The following PLEKHH2 variants were observed in gnomAD, a reference collection of about 807,000 sequenced individuals.
The protein encoded by PLEKHH2 is pleckstrin homology, MyTH4 and FERM domain containing H2.
In PLEKHH2, 129 loss-of-function variants were observed where a neutral mutation model predicts 187.9. The ratio of observed to expected loss-of-function variants is 0.69; its 90% CI spans 0.59 to 0.79. The LOEUF (loss-of-function observed/expected upper bound fraction) is 0.79, where lower values mean the gene tolerates loss of function less well. PLEKHH2 is among the 30% of genes least tolerant of loss of function. The pLI is 0.00. For synonymous variants in PLEKHH2, 686 were observed against 605.6 expected, an observed-to-expected ratio of 1.13 and a Z score of -1.95; for missense variants, 2,076 against 1,751.2, an observed-to-expected ratio of 1.19 and a Z score of -3.31.
intron 3 of PLEKHH2, chr2:43,681,097 C>G: frequency 9.4e-7 from 1 of 1,059,130 alleles, no homozygotes; most frequent in Non-Finnish European, 1.4e-6. Context: ...TGCCAACCAA[C>G]TCCAGAATTA....
intron 17 of PLEKHH2, 120 bp downstream of exon 17, chr2:43,726,571 C>T (rs375934308): frequency 3.5e-6 from 3 of 864,728 alleles, no homozygotes; most frequent in African/African-American, 1.7e-5. Context: ...TAGACTTTCA[C>T]CTCTGTTTTC....
At chr2:43,680,596 T>C (rs1668121167) in intron 3 of PLEKHH2, 1 of 198,436 alleles carries the variant, frequency 5.0e-6, no homozygotes, top group African/African-American at 2.4e-5. Context: ...CAACAAGGCT[T>C]TCCCCGTTGC....
At chr2:43,758,771 C>G (rs1295587038) in intron 26 of PLEKHH2, 129 bp from the exon 27 acceptor site, 1 of 690,366 alleles carries the variant, frequency 1.4e-6, no homozygotes, top group East Asian at 3.0e-5. Context: ...AAAATCTTTA[C>G]CTGGGTTATG....
chr2:43,744,048 A>G (rs1164837664), intron 23 of PLEKHH2, 59 bp downstream of exon 23: 1 of 1,563,258 alleles, frequency 6.4e-7, no homozygotes, highest in East Asian at 2.3e-5. Flanking sequence ...GCTACTCTTT[A>G]CAAGAAGAGT....
At chr2:43,730,880 C>A (rs1671004032) in intron 18 of PLEKHH2, among the ~76,000 whole-genome samples, 1 of 152,214 alleles carries the variant, frequency 6.6e-6, no homozygotes, top group South Asian at 2.1e-4. Context: ...TTTGGCTTCT[C>A]CTCTCTAGAG....
In PLEKHH2 at chr2:43,680,225, A is replaced by C. The variant is rs557106201; in HGVS notation, c.186+1300A>C. 3.3e-5 allele frequency among the ~76,000 whole-genome samples: 5 copies of C among 152,320 alleles called. No individual in the cohort carries two copies. The South Asian group carries it at 1.0e-3, about 32-fold the overall frequency. ...CTATAATTTATTGCATATTTACAAA[A>C]AGCTTAAAGAGCCAGCTTTCTATAT... is the stretch of plus-strand genomic sequence containing the variant. On this transcript the variant is annotated intron_variant, in intron 3 of 29. Coordinates refer to ENST00000282406, the MANE Select transcript of PLEKHH2 (RefSeq NM_172069.4).
rs577781900 is a variant in PLEKHH2, at chr2:43,761,812, A to T, written c.4072-492A>T. The stretch of plus-strand genomic sequence containing the variant: ...ATTTTCTTGTTATTGTGTTTTTATT[A>T]CACATTGAATATCAGATTTAATAAA... On this transcript the variant is annotated intron_variant, in intron 27 of 29. Transcript: ENST00000282406. Among the ~76,000 whole-genome samples, 6 of 152,318 alleles carry T rather than the reference A, an allele frequency of 3.9e-5. No homozygotes were observed. The East Asian group carries it at 1.2e-3, about 29-fold the overall frequency.
At chr2:43,679,038 C>G (rs990993336) in intron 3 of PLEKHH2, 113 bp downstream of exon 3, 1 of 569,370 alleles carries the variant, frequency 1.8e-6, no homozygotes, top group Non-Finnish European at 3.0e-6. Context: ...ATCTTTTTGA[C>G]TGTTCATAGC....
chr2:43,718,296 T>G (rs200055918), intron 15 of PLEKHH2, among the ~76,000 whole-genome samples: 2 of 152,068 alleles, frequency 1.3e-5, no homozygotes, highest in East Asian at 1.9e-4. Flanking sequence ...TCCCAGCACT[T>G]TGGGAGGCCG....
chr2:43,751,106 G>A (rs1350446453), intron 24 of PLEKHH2, among the ~76,000 whole-genome samples: 2 of 152,164 alleles, frequency 1.3e-5, no homozygotes, highest in African/African-American at 4.8e-5. Flanking sequence ...CCACCTCTAG[G>A]GTTGTCTGAA....
chr2:43,738,277 T>G (rs1671393522), intron 19 of PLEKHH2, 64 bp from the exon 20 acceptor site: 2 of 1,311,938 alleles, frequency 1.5e-6, no homozygotes, highest in Non-Finnish European at 2.1e-6. Context: ...ATATTCGATA[T>G]AATTCATGCA....
At chr2:43,702,819 A>C (rs1235825793) in intron 8 of PLEKHH2, among the ~76,000 whole-genome samples, 1 of 152,126 alleles carries the variant, frequency 6.6e-6, no homozygotes, top group African/African-American at 2.4e-5. Context: ...TAGAGGGACA[A>C]CATGTGATAG....
intron 2 of PLEKHH2, chr2:43,676,012 T>G (rs374136729): frequency 6.2e-7 from 1 of 1,613,934 alleles, no homozygotes; most frequent in Non-Finnish European, 8.5e-7. Context: ...ATTATCATTT[T>G]TAGTATCGTA....
At chr2:43,711,358 G>T in intron 14 of PLEKHH2, 2 of 985,390 alleles carry the variant, frequency 2.0e-6, no homozygotes, top group Non-Finnish European at 2.4e-6. Flanking sequence ...TGGCAGTTAA[G>T]AATCATTTGT....
At chr2:43,706,993 C>G (rs949661519) in intron 10 of PLEKHH2, among the ~76,000 whole-genome samples, 4 of 151,658 alleles carry the variant, frequency 2.6e-5, no homozygotes, top group African/African-American at 9.7e-5. Context: ...GTCAGGAGTT[C>G]GAGACCAGCC....
intron 2 of PLEKHH2, chr2:43,676,205 G>A (rs1667774277): frequency 5.0e-6 from 8 of 1,613,958 alleles, no homozygotes; most frequent in Non-Finnish European, 6.8e-6. Context: ...TGGTGCTCGT[G>A]GTCTTGAGTT....
intron 1 of PLEKHH2, among the ~76,000 whole-genome samples, chr2:43,639,012 AG>A (rs1379118789): frequency 6.6e-6 from 1 of 152,236 alleles, no homozygotes; most frequent in African/African-American, 2.4e-5. Context: ...CTAAAGAAAT[AG>A]GTATGTTTGA....
chr2:43,700,134 C>G lies in PLEKHH2; in HGVS notation c.1176C>G (p.Ser392=). 1 of 1,613,958 alleles carries G rather than the reference C, an allele frequency of 6.2e-7. No individual in the cohort carries two copies. Among genetic ancestry groups the G allele is most frequent in the Non-Finnish European group, 8.5e-7 (1 of 1,179,990 alleles). Residue 392 remains serine (S), a synonymous_variant, in exon 8 of 30, where the codon TCC becomes TCG. Transcript: ENST00000282406. ...ATGAACTGAATAAAAAATTTCAATC[C>G]CAGAGACTCGATTATTCATCTTCAT... ...SSDELNKKFQ[S]QRLDYSSSSS...
At chr2:43,735,300 A>G (rs1381704716) in intron 19 of PLEKHH2, among the ~76,000 whole-genome samples, 1 of 152,194 alleles carries the variant, frequency 6.6e-6, no homozygotes, top group Non-Finnish European at 1.5e-5. Context: ...AGAACATTAT[A>G]TTAAGTAAAA....
Sources: allele counts gnomAD v4.1 joint callset (sites outside exome capture counted in the v4.1 genomes callset), GRCh38; gene constraint gnomAD v4.1.1; transcripts MANE v1.5; gene names NCBI Gene and HGNC (gene_info 2026-07-23, HGNC 2026-07-21).